The following HNF4A variants were observed in gnomAD, a reference collection of about 807,000 sequenced individuals.
HNF4A encodes the protein hepatocyte nuclear factor 4 alpha, also known as hepatocyte nuclear factor 4-alpha.
A neutral mutation model predicts 52.4 loss-of-function variants in HNF4A; 15 were observed. The ratio of observed to expected loss-of-function variants is 0.29; its 90% CI spans 0.19 to 0.44. HNF4A has a LOEUF of 0.44. Among genes scored for constraint, HNF4A ranks in the 20% least tolerant of loss-of-function variants. HNF4A has a pLI of 1.00. For synonymous variants in HNF4A, 280 were observed against 264.4 expected (o/e 1.06, Z -0.57); for missense variants, 479 against 647.2 (o/e 0.74, Z 2.82).
chr20:44,386,725 A>G (rs1454244609), intron 1 of HNF4A, among the ~76,000 whole-genome samples: 1 of 152,222 alleles, frequency 6.6e-6, no homozygotes, highest in East Asian at 1.9e-4. Flanking sequence ...AATGTACAGG[A>G]CAGTCCCCAC....
intron 5 of HNF4A, among the ~76,000 whole-genome samples, chr20:44,417,968 CAAA>C (rs544063850): frequency 8.1e-5 from 6 of 74,394 alleles, no homozygotes; most frequent in Non-Finnish European, 1.1e-4. Context: ...GACTCTGTCT[CAAA>C]AAAAAAAAAA....
At chr20:44,421,093 A>G (rs2063737938) in intron 7 of HNF4A, among the ~76,000 whole-genome samples, 1 of 151,990 alleles carries the variant, frequency 6.6e-6, no homozygotes, top group African/African-American at 2.4e-5. Flanking sequence ...CATTTTTCCC[A>G]ATATATTTTT....
chr20:44,413,600 C>T, intron 3 of HNF4A, 94 bp from the exon 4 acceptor site: 1 of 852,184 alleles, frequency 1.2e-6, no homozygotes, highest in East Asian at 2.6e-5. Flanking sequence ...TGGACACCCC[C>T]CACCTCCTGC....
rs974914705 is a variant in HNF4A, at chr20:44,366,358, C to T, written c.49+10505C>T. The stretch of plus-strand genomic sequence containing the variant: ...CCTATTGGCCGGGCGCAGTGGCACA[C>T]GCCTGTAATCCTAGTACTTTGGGAG... On this transcript the variant is annotated intron_variant, in intron 1 of 9. Transcript: ENST00000316673. Among the ~76,000 whole-genome samples, 4 of 151,960 alleles carry T rather than the reference C, an allele frequency of 2.6e-5. No individual in the cohort carries two copies. In the South Asian group the frequency reaches 8.3e-4, roughly 31 times the overall value.
chr20:44,386,301 G>A (rs1428009211), intron 1 of HNF4A, among the ~76,000 whole-genome samples: 20 of 151,370 alleles, frequency 1.3e-4, no homozygotes, highest in Admixed American at 1.3e-3. Flanking sequence ...CCAAGTAGCT[G>A]GGATTACAGG....
Position 44,426,027 on chromosome 20 carries a change from T to C in HNF4A, c.1129+1773T>C, listed in dbSNP as rs117707700. Among the ~76,000 whole-genome samples the C allele has an allele frequency of 5.8e-3, 884 of 152,208 alleles. 4 individuals are homozygous for C. The highest frequency in any genetic ancestry group is 8.9e-3 in the Non-Finnish European group (608 of 68,002). ...CCAAGTTATCAAGGAGGCTGTTGAA[T>C]GTATGAGTCTGTTGCTCAAGCACAA... On this transcript the variant is annotated intron_variant, in intron 8 of 9. Transcript: ENST00000316099.
intron 4 of HNF4A, among the ~76,000 whole-genome samples, 153 bp downstream of exon 4, chr20:44,413,953 GC>G (rs886998537): frequency 3.3e-5 from 5 of 152,210 alleles, no homozygotes; most frequent in African/African-American, 1.2e-4. Flanking sequence ...GTTTCACATG[GC>G]CCAGTTTGCA....
upstream of HNF4A, among the ~76,000 whole-genome samples, chr20:44,400,320 G>A (rs1395152212): frequency 1.3e-5 from 2 of 151,208 alleles, no homozygotes; most frequent in Admixed American, 6.7e-5. Context: ...GGGATGGCAA[G>A]GGGGATACGA....
At chr20:44,368,160 A>ATATATTTTTTTT (rs1200638153) in intron 1 of HNF4A, among the ~76,000 whole-genome samples, 6 of 27,780 alleles carry the variant, frequency 2.2e-4, no homozygotes, top group East Asian at 1.2e-3. Context: ...ATATATATAT[A>ATATATTTTTTTT]TTTTTTTTTT....
At chr20:44,397,261 G>A (rs1028059448), upstream of HNF4A, among the ~76,000 whole-genome samples, 1 of 152,076 alleles carries the variant, frequency 6.6e-6, no homozygotes, top group African/African-American at 2.4e-5. Flanking sequence ...TCAGGATAAT[G>A]TTCTTCCTCA....
chr20:44,417,925 T>C (rs1174313112), intron 5 of HNF4A, among the ~76,000 whole-genome samples: 1 of 148,958 alleles, frequency 6.7e-6, no homozygotes, highest in Non-Finnish European at 1.5e-5. Context: ...GCCGAGATCA[T>C]GCCACTGCAC....
upstream of HNF4A, among the ~76,000 whole-genome samples, chr20:44,396,255 CT>C (rs780533023): frequency 1.7e-4 from 26 of 152,310 alleles, no homozygotes; most frequent in Non-Finnish European, 2.6e-4. Flanking sequence ...ACAATAGCCC[CT>C]ATCTCAACAG....
intron 1 of HNF4A, among the ~76,000 whole-genome samples, chr20:44,405,811 G>A (rs1452106067): frequency 6.6e-6 from 1 of 152,138 alleles, no homozygotes; most frequent in Non-Finnish European, 1.5e-5. Flanking sequence ...GCTGGGGCTC[G>A]TGGCCTCCAC....
chr20:44,394,479 G>A (rs929526103), intron 1 of HNF4A, among the ~76,000 whole-genome samples: 1 of 152,092 alleles, frequency 6.6e-6, no homozygotes, highest in Non-Finnish European at 1.5e-5. Context: ...TGGGAGCCTC[G>A]GAACCCAGCT....
chr20:44,398,123 C>T (rs376313255), upstream of HNF4A, among the ~76,000 whole-genome samples: 530 of 152,280 alleles, frequency 3.5e-3, 1 homozygote, highest in Non-Finnish European at 5.3e-3. Flanking sequence ...CCAAAGTGTG[C>T]TTATTTCAGG....
chr20:44,411,311 A>G (rs1462101710), intron 3 of HNF4A, among the ~76,000 whole-genome samples: 1 of 152,206 alleles, frequency 6.6e-6, no homozygotes, highest in Non-Finnish European at 1.5e-5. Flanking sequence ...TTAATATTCA[A>G]TAGAAGTTAC....
chr20:44,389,232 A>G (rs375199663), intron 1 of HNF4A, among the ~76,000 whole-genome samples: 42 of 152,312 alleles, frequency 2.8e-4, no homozygotes, highest in African/African-American at 9.9e-4. Flanking sequence ...GTGCGTCTTC[A>G]CTGCACTTAA....
intron 1 of HNF4A, chr20:44,402,665 C>T (rs564628494): frequency 2.8e-4 from 364 of 1,310,738 alleles, no homozygotes; most frequent in Non-Finnish European, 3.3e-4. Flanking sequence ...AGAGGAGGCC[C>T]GGAAACCCCT....
At chr20:44,368,158 ATATTTTTTT>A (rs1490632976) in intron 1 of HNF4A, among the ~76,000 whole-genome samples, 2 of 13,218 alleles carry the variant, frequency 1.5e-4, no homozygotes, top group Admixed American at 3.0e-3. Context: ...ATATATATAT[ATATTTTTTT>A]TTTTTTTTTT....
Sources: gnomAD v4.1 joint callset for allele counts (sites outside exome capture counted in the v4.1 genomes callset) on GRCh38, gnomAD v4.1.1 for gene constraint, MANE v1.5 for transcripts, NCBI Gene and HGNC (gene_info 2026-07-23, HGNC 2026-07-21) for gene names.